Variants in CNTNAP5 observed in about 807,000 individuals in gnomAD.
CNTNAP5 encodes the protein contactin associated protein family member 5, also known as contactin-associated protein-like 5.
CNTNAP5 carries 72 observed loss-of-function variants against 150.2 expected under a neutral mutation model. The observed-to-expected ratio is 0.48, with a 90% CI of 0.40 to 0.58. CNTNAP5 has a LOEUF of 0.58. CNTNAP5 is among the 20% of genes least tolerant of loss of function. CNTNAP5 has a pLI of 0.00. For synonymous variants in CNTNAP5, 672 were observed against 619.8 expected, an observed-to-expected ratio of 1.08 and a Z score of -1.25; for missense variants, 1,636 against 1,626.2, an observed-to-expected ratio of 1.01 and a Z score of -0.10.
chr2:124,768,279 G>A (rs934207733), intron 16 of CNTNAP5, among the ~76,000 whole-genome samples: 2 of 140,408 alleles, frequency 1.4e-5, no homozygotes, highest in Non-Finnish European at 3.2e-5. Context: ...GTATGTGTGT[G>A]TGTGTGTGTG....
intron 1 of CNTNAP5, among the ~76,000 whole-genome samples, chr2:124,161,861 T>C (rs544148560): frequency 6.6e-6 from 1 of 152,342 alleles, no homozygotes; most frequent in South Asian, 2.1e-4. Context: ...AGAATTCATC[T>C]GTGAATTCAA....
At chr2:124,134,351 C>G (rs1298334185) in intron 1 of CNTNAP5, among the ~76,000 whole-genome samples, 1 of 149,668 alleles carries the variant, frequency 6.7e-6, no homozygotes, top group East Asian at 2.0e-4. Flanking sequence ...CTAGTTAGCC[C>G]TTGAAAAAGA....
intron 22 of CNTNAP5, among the ~76,000 whole-genome samples, chr2:124,909,090 A>G (rs1217261557): frequency 6.6e-6 from 1 of 152,176 alleles, no homozygotes; most frequent in Admixed American, 6.6e-5. Flanking sequence ...TAAAGTGTTT[A>G]TAAAGCCCGT....
chr2:124,889,700 T>C (rs1678154365), intron 21 of CNTNAP5, among the ~76,000 whole-genome samples: 1 of 152,174 alleles, frequency 6.6e-6, no homozygotes, highest in Non-Finnish European at 1.5e-5. Flanking sequence ...TTCTTGTCTG[T>C]TAGTGCTAAT....
intron 21 of CNTNAP5, among the ~76,000 whole-genome samples, chr2:124,872,652 C>T (rs138903984): frequency 1.6e-4 from 24 of 151,650 alleles, no homozygotes; most frequent in Admixed American, 4.0e-4. Context: ...GAAGTCTTAG[C>T]GGAAATGTTG....
At chr2:124,314,390 G>A (rs1401338246) in intron 3 of CNTNAP5, among the ~76,000 whole-genome samples, 1 of 152,138 alleles carries the variant, frequency 6.6e-6, no homozygotes, top group Non-Finnish European at 1.5e-5. Context: ...TTGAATCTCC[G>A]TAGTGGGCCC....
intron 1 of CNTNAP5, among the ~76,000 whole-genome samples, chr2:124,057,217 G>A (rs554582610): frequency 6.6e-6 from 1 of 151,212 alleles, no homozygotes; most frequent in Non-Finnish European, 1.5e-5. Context: ...TTTTCTGGTA[G>A]TTATACCTTT....
intron 20 of CNTNAP5, among the ~76,000 whole-genome samples, chr2:124,868,542 C>A (rs1454694686): frequency 6.6e-6 from 1 of 152,132 alleles, no homozygotes; most frequent in African/African-American, 2.4e-5. Flanking sequence ...AATAGAGCAA[C>A]CTATTTCCTT....
At chr2:124,435,032 T>C (rs1232308124) in intron 5 of CNTNAP5, among the ~76,000 whole-genome samples, 2 of 152,184 alleles carry the variant, frequency 1.3e-5, no homozygotes, top group African/African-American at 4.8e-5. Context: ...ATTAGGTACA[T>C]ATAAGAAAGT....
intron 19 of CNTNAP5, among the ~76,000 whole-genome samples, chr2:124,841,301 T>C (rs1682939503): frequency 6.6e-6 from 1 of 152,016 alleles, no homozygotes; most frequent in African/African-American, 2.4e-5. Context: ...ACCTCTCAAA[T>C]TGCTCAGCAA....
At chr2:124,669,853 C>T (rs957937821) in intron 13 of CNTNAP5, among the ~76,000 whole-genome samples, 1 of 152,172 alleles carries the variant, frequency 6.6e-6, no homozygotes, top group Non-Finnish European at 1.5e-5. Flanking sequence ...GCACTGTGTT[C>T]GCTACCTTGG....
chr2:124,378,413 T>C (rs1436446204), intron 3 of CNTNAP5, among the ~76,000 whole-genome samples: 4 of 152,178 alleles, frequency 2.6e-5, no homozygotes, highest in Non-Finnish European at 5.9e-5. Flanking sequence ...TTTTAGTATT[T>C]TTGCATGTAT....
intron 3 of CNTNAP5, among the ~76,000 whole-genome samples, chr2:124,311,915 C>T (rs1377547149): frequency 1.3e-4 from 20 of 152,158 alleles, no homozygotes; most frequent in Admixed American, 1.3e-3. Flanking sequence ...ATCATACAAA[C>T]TGGCTCATGG....
intron 1 of CNTNAP5, among the ~76,000 whole-genome samples, chr2:124,182,117 A>T (rs555799071): frequency 6.6e-6 from 1 of 152,190 alleles, no homozygotes; most frequent in Non-Finnish European, 1.5e-5. Flanking sequence ...CTACTTACAA[A>T]TATAATTTCT....
At chr2:124,861,099 C>G (rs1451759503) in intron 19 of CNTNAP5, among the ~76,000 whole-genome samples, 1 of 151,240 alleles carries the variant, frequency 6.6e-6, no homozygotes, top group African/African-American at 2.4e-5. Flanking sequence ...TGATGGAATA[C>G]CTGTGCTAAG....
At chr2:124,115,301 G>A (rs999783199) in intron 1 of CNTNAP5, among the ~76,000 whole-genome samples, 1 of 152,032 alleles carries the variant, frequency 6.6e-6, no homozygotes, top group Non-Finnish European at 1.5e-5. Flanking sequence ...CATAAACCAT[G>A]GACACATTAA....
intron 7 of CNTNAP5, among the ~76,000 whole-genome samples, chr2:124,475,719 A>G (rs1693623643): frequency 1.3e-5 from 2 of 152,042 alleles, no homozygotes; most frequent in South Asian, 2.1e-4. Flanking sequence ...CTTTTCCTCT[A>G]TAAAGGTCTT....
chr2:124,373,790 G>T (rs1690584238), intron 3 of CNTNAP5, among the ~76,000 whole-genome samples: 1 of 150,894 alleles, frequency 6.6e-6, no homozygotes, highest in African/African-American at 2.5e-5. Flanking sequence ...TTATTACAGT[G>T]TTACTTAAAA....
intron 1 of CNTNAP5, among the ~76,000 whole-genome samples, chr2:124,057,886 CACCCTG>C (rs1681898799): frequency 6.6e-6 from 1 of 152,100 alleles, no homozygotes; most frequent in Non-Finnish European, 1.5e-5. Flanking sequence ...TTACCCCATT[CACCCTG>C]CTGGGATCAT....
Sources: gnomAD v4.1 joint callset for allele counts (sites outside exome capture counted in the v4.1 genomes callset) on GRCh38, gnomAD v4.1.1 for gene constraint, MANE v1.5 for transcripts, NCBI Gene and HGNC (gene_info 2026-07-23, HGNC 2026-07-21) for gene names.